The following PCDHGB7 variants were observed in gnomAD, a reference collection of about 807,000 sequenced individuals.
PCDHGB7 encodes the protein protocadherin gamma subfamily B, 7.
A neutral mutation model predicts 61.4 loss-of-function variants in PCDHGB7; 37 were observed. The ratio of observed to expected loss-of-function variants is 0.60; its 90% CI spans 0.46 to 0.79. PCDHGB7 has a LOEUF of 0.79. PCDHGB7 is among the 30% of genes least tolerant of loss of function. The pLI, the probability that PCDHGB7 is intolerant of heterozygous loss-of-function variation, is 0.00. For synonymous variants in PCDHGB7, 464 were observed against 503.5 expected (o/e 0.92, Z 1.05); for missense variants, 1,166 against 1,202.5 (o/e 0.97, Z 0.45).
intron 2 of PCDHGB7, among the ~76,000 whole-genome samples, chr5:141,504,579 G>T (rs994771989): frequency 2.0e-5 from 3 of 149,174 alleles, no homozygotes; most frequent in Non-Finnish European, 4.4e-5. Context: ...AACACCATCT[G>T]CCCAGGATTC....
intron 1 of PCDHGB7, chr5:141,428,502 G>T: frequency 7.1e-6 from 2 of 282,686 alleles, no homozygotes; most frequent in Non-Finnish European, 6.9e-6. Flanking sequence ...ATGTTCCCTC[G>T]GATTCTAGAA....
chr5:141,455,529 G>A (rs2098825323), intron 1 of PCDHGB7, among the ~76,000 whole-genome samples: 1 of 152,146 alleles, frequency 6.6e-6, no homozygotes, highest in Non-Finnish European at 1.5e-5. Flanking sequence ...GGTTTGACCA[G>A]GCATATCATT....
intron 3 of PCDHGB7, among the ~76,000 whole-genome samples, chr5:141,510,584 C>T (rs2099881791): frequency 1.3e-5 from 2 of 152,184 alleles, no homozygotes. Flanking sequence ...TTTTACGTAC[C>T]TGACATACAT....
At chr5:141,423,644 A>G in intron 1 of PCDHGB7, 1 of 1,592,866 alleles carries the variant, frequency 6.3e-7, no homozygotes, top group South Asian at 1.1e-5. Context: ...GGCAAATGTG[A>G]CCCGACAAGT....
intron 1 of PCDHGB7, chr5:141,428,160 T>C (rs761366261): frequency 6.4e-7 from 1 of 1,572,286 alleles, no homozygotes; most frequent in Non-Finnish European, 8.7e-7. Context: ...AACCTGCTGG[T>C]TGCTGTGCGT....
rs2099405848 is a variant in PCDHGB7 at position 141,477,120 on chromosome 5, A to G, written c.2416-17687A>G. 2 of 1,614,118 alleles carry G rather than the reference A, an allele frequency of 1.2e-6. No homozygotes were observed. Among genetic ancestry groups the G allele is most frequent in the African/African-American group, 2.7e-5 (2 of 74,942 alleles). On this transcript the variant is annotated intron_variant, in intron 1 of 3. Transcript: ENST00000398594. This position sits in a 1 kb window ranked among gnomAD's most constrained non-coding sequence, Gnocchi z 4.9. ...AAGGGCGCCAATCCCGAAGGAGCAC[A>G]TTGCAAAGTGTTGGTGGAGGTTGTG...
At chr5:141,420,770 T>G (rs1485978181) in intron 1 of PCDHGB7, among the ~76,000 whole-genome samples, 1 of 152,202 alleles carries the variant, frequency 6.6e-6, no homozygotes, top group Non-Finnish European at 1.5e-5. Flanking sequence ...AGTTTTCAGC[T>G]CCAGTAATAT....
intron 1 of PCDHGB7, among the ~76,000 whole-genome samples, chr5:141,430,013 G>T (rs2097256191): frequency 6.6e-6 from 1 of 151,922 alleles, no homozygotes; most frequent in South Asian, 2.1e-4. Context: ...TTTTCACTTG[G>T]GTTCTTGTTA....
Position 141,432,226 on chromosome 5 carries a change from T to C in PCDHGB7, c.2415+11952T>C. On this transcript the variant is annotated intron_variant, in intron 1 of 3. Coordinates refer to ENST00000398594, the MANE Select transcript of PCDHGB7 (RefSeq NM_018927.4). The surrounding 1 kb of genome is among the most constrained non-coding windows in gnomAD (Gnocchi z 6.0). ...GTGAAGAGAACGCCCAGATCACTTATTCCCTGGCTGAGAACACCATCCAAG... is the reference window on the plus strand; with the variant it reads ...GTGAAGAGAACGCCCAGATCACTTACTCCCTGGCTGAGAACACCATCCAAG... 4 of 1,614,198 alleles carry C rather than the reference T, an allele frequency of 2.5e-6. No individual in the cohort carries two copies. The highest frequency in any genetic ancestry group is 3.4e-6 in the Non-Finnish European group (4 of 1,180,028).
At chr5:141,462,523 G>GTGTT (rs2099041548) in intron 1 of PCDHGB7, among the ~76,000 whole-genome samples, 1 of 152,024 alleles carries the variant, frequency 6.6e-6, no homozygotes, top group African/African-American at 2.4e-5. Context: ...GTTAGTAAGA[G>GTGTT]TGTTGTTCAG....
intron 1 of PCDHGB7, among the ~76,000 whole-genome samples, chr5:141,447,600 T>G (rs769487703): frequency 6.6e-6 from 1 of 151,992 alleles, no homozygotes; most frequent in Non-Finnish European, 1.5e-5. Flanking sequence ...TCCTATAGAG[T>G]CCTTAGCATT....
At chr5:141,468,701 C>A (rs1186497330) in intron 1 of PCDHGB7, 2 of 151,628 alleles carry the variant, frequency 1.3e-5, no homozygotes, top group African/African-American at 2.4e-5. Flanking sequence ...CCCGTCTCTA[C>A]TAAAAATATA....
rs200524415 is a variant in PCDHGB7, at chr5:141,487,436, G to C, written c.2416-7371G>C. 1 of 1,614,176 alleles carries C rather than the reference G, an allele frequency of 6.2e-7. No individual in the cohort carries two copies. Among genetic ancestry groups the C allele is most frequent in the East Asian group, 2.2e-5 (1 of 44,870 alleles). ...CAATGGGATCCTCCGAATCCAGCTAGGGTCAGATGACCCTATCAAGTTTGT... is the reference window on the plus strand; with the variant it reads ...CAATGGGATCCTCCGAATCCAGCTACGGTCAGATGACCCTATCAAGTTTGT... On this transcript the variant is annotated intron_variant, in intron 1 of 3. Coordinates refer to ENST00000398594, the MANE Select transcript of PCDHGB7 (RefSeq NM_018927.4). This position sits in a 1 kb window ranked among gnomAD's most constrained non-coding sequence, Gnocchi z 5.0.
intron 1 of PCDHGB7, among the ~76,000 whole-genome samples, chr5:141,465,094 G>GT (rs138941665): frequency 0.11 from 15,577 of 148,094 alleles, 909 homozygotes; most frequent in African/African-American, 0.15. Flanking sequence ...TTTTCTAGTA[G>GT]TTTTTTTTTT....
chr5:141,438,635 T>C (rs1325567714), intron 1 of PCDHGB7, among the ~76,000 whole-genome samples: 9 of 33,420 alleles, frequency 2.7e-4, no homozygotes, highest in East Asian at 1.8e-3. Flanking sequence ...TATATATATA[T>C]ACACACACAC....
In PCDHGB7 at chr5:141,486,752, C is replaced by G. The variant is rs776406247; in HGVS notation, c.2416-8055C>G. On this transcript the variant is annotated intron_variant, in intron 1 of 3. Transcript: ENST00000398594. The surrounding 1 kb of genome is among the most constrained non-coding windows in gnomAD (Gnocchi z 5.0). ...TGCTACTCGATCCTTTGACTATGAG[C>G]AAACCCAGACACTGCAGTTTGAGGT... 6.2e-7 allele frequency: 1 copy of G among 1,614,244 alleles called. No individual in the cohort carries two copies. The highest frequency in any genetic ancestry group is 1.3e-5 in the African/African-American group (1 of 75,080).
intron 2 of PCDHGB7, among the ~76,000 whole-genome samples, chr5:141,502,832 G>T (rs1266910323): frequency 6.6e-6 from 1 of 150,516 alleles, no homozygotes; most frequent in Non-Finnish European, 1.5e-5. Context: ...GGGGAAGCCT[G>T]GACTGGCTGA....
In PCDHGB7 at chr5:141,511,460, A is replaced by ACCC. The variant is rs1367357803; in HGVS notation, c.*289_*291dup. The ACCC allele has an allele frequency of 2.4e-4, 137 of 564,806 alleles. 1 individual carries two copies. In the Middle Eastern group the frequency reaches 2.7e-3, roughly 11 times the overall value. The allele number at this position is 564,806 out of a possible 1,614,324, so 35.0% of individuals were successfully genotyped here. A position where few individuals can be genotyped will look rare whatever the true frequency, so the allele number is the denominator to read the frequency against. ...GTAGACACCAAGAACCATTTGCCAC[A>ACCC]CCCCGTTTAGTTACAGCTGAACTCC... On this transcript the variant is annotated 3_prime_UTR_variant, in exon 4 of 4. Transcript: ENST00000398594.
At chr5:141,503,335 G>A (rs111643076) in intron 2 of PCDHGB7, among the ~76,000 whole-genome samples, 108 of 152,220 alleles carry the variant, frequency 7.1e-4, no homozygotes, top group African/African-American at 2.4e-3. Context: ...GGTGGCTCAC[G>A]CCTGTAATTC....
Sources: gnomAD v4.1 joint callset for allele counts (sites outside exome capture counted in the v4.1 genomes callset) on GRCh38, gnomAD v4.1.1 for gene constraint, Gnocchi (gnomAD v3.1) non-coding constraint, MANE v1.5 for transcripts, NCBI Gene and HGNC (gene_info 2026-07-23, HGNC 2026-07-21) for gene names.